SLC14A2: variants seen among roughly 807,000 people sequenced by gnomAD.
SLC14A2 encodes the protein solute carrier family 14 member 2, also known as urea transporter 2.
Under a neutral mutation model 104.6 loss-of-function variants are expected in SLC14A2, and 91 were observed. The observed-to-expected ratio is 0.87, with a 90% CI of 0.73 to 1.04. The LOEUF is 1.04. Among genes scored for constraint, SLC14A2 ranks in the 50% least tolerant of loss-of-function variants. The pLI, the probability that SLC14A2 is intolerant of heterozygous loss-of-function variation, is 0.00. For missense variants in SLC14A2, 1,189 were observed against 1,156.0 expected (o/e 1.03, Z -0.41); for synonymous variants, 476 against 466.4 (o/e 1.02, Z -0.27).
intron 5 of SLC14A2, among the ~76,000 whole-genome samples, chr18:45,635,892 G>A (rs1205355304): frequency 6.6e-6 from 1 of 152,242 alleles, no homozygotes; most frequent in Non-Finnish European, 1.5e-5. Flanking sequence ...CTGGCCTGAT[G>A]AAGGAGCAGG....
At chr18:45,350,707 A>G (rs1256151449) in intron 1 of SLC14A2, among the ~76,000 whole-genome samples, 1 of 151,998 alleles carries the variant, frequency 6.6e-6, no homozygotes, top group African/African-American at 2.4e-5. Flanking sequence ...CTCCCAGCAC[A>G]GTGTTATTTA....
intron 19 of SLC14A2, among the ~76,000 whole-genome samples, chr18:45,680,460 A>C (rs374314351): frequency 1.5e-4 from 23 of 152,308 alleles, no homozygotes; most frequent in South Asian, 4.1e-4. Flanking sequence ...CAGGCTATTA[A>C]CTCACTTTAA....
At chr18:45,545,918 A>T (rs1379127883) in intron 2 of SLC14A2, among the ~76,000 whole-genome samples, 3 of 152,244 alleles carry the variant, frequency 2.0e-5, no homozygotes, top group Non-Finnish European at 4.4e-5. Context: ...TTGTTAGGAC[A>T]TAAGTATTCC....
Position 45,529,927 on chromosome 18 carries a change from C to A in SLC14A2, c.-35+46605C>A, listed in dbSNP as rs547277976. 2.0e-5 allele frequency: 3 copies of A among 152,228 alleles called. No individual in the cohort carries two copies. The South Asian group carries it at 6.2e-4, about 32-fold the overall frequency. 9.4% of individuals were successfully genotyped at this position (152,228 alleles called of 1,614,324 possible). A position where few individuals can be genotyped will look rare whatever the true frequency, so the allele number is the denominator to read the frequency against. On this transcript the variant is annotated intron_variant, in intron 2 of 20. Transcript: ENST00000586448. ...CCTAACGTATTCTCAGGCTTCCAAG[C>A]CAGGCACCAAGATGGTTCACATCTA... is the stretch of plus-strand genomic sequence containing the variant.
At chr18:45,406,599 A>C (rs2086157502) in intron 1 of SLC14A2, among the ~76,000 whole-genome samples, 1 of 152,182 alleles carries the variant, frequency 6.6e-6, no homozygotes, top group Non-Finnish European at 1.5e-5. Flanking sequence ...AGGAATCACT[A>C]TCTGTGGAAG....
chr18:45,540,588 CA>C (rs1331465391), intron 2 of SLC14A2, among the ~76,000 whole-genome samples: 6 of 151,874 alleles, frequency 4.0e-5, no homozygotes, highest in Non-Finnish European at 7.4e-5. Context: ...ACTAAAAATA[CA>C]AAAAAATTAG....
rs1196592054 is a variant in SLC14A2, at chr18:45,683,670, A to G, written c.*1151A>G. ...TAATATTCATAATCATACTGTCATT[A>G]AACTGTTTAAGTTTGCAAGTCGGCA... On this transcript the variant is annotated 3_prime_UTR_variant, in exon 20 of 20. Transcript: ENST00000255226. The G allele has an allele frequency of 6.6e-6, 1 of 152,210 alleles. No homozygotes were observed. Among genetic ancestry groups the G allele is most frequent in the Non-Finnish European group, 1.5e-5 (1 of 68,034 alleles). 9.4% of individuals were successfully genotyped at this position (152,210 alleles called of 1,614,324 possible). A position where few individuals can be genotyped will look rare whatever the true frequency, so the allele number is the denominator to read the frequency against.
At chr18:45,426,252 T>C (rs1433993952) in intron 1 of SLC14A2, among the ~76,000 whole-genome samples, 1 of 152,172 alleles carries the variant, frequency 6.6e-6, no homozygotes, top group East Asian at 1.9e-4. Flanking sequence ...AGTCAAACTT[T>C]CTGTTCCTTG....
rs113822690 is a variant in SLC14A2 at position 45,521,269 on chromosome 18, C to T, written c.-35+37947C>T. On this transcript the variant is annotated intron_variant, in intron 2 of 20. Coordinates refer to the SLC14A2 transcript ENST00000586448. The stretch of plus-strand genomic sequence containing the variant: ...GGAGAGTTGTGCTAGGCACTGAGTC[C>T]GACAGGGTTAAATGACTCATTCCAA... 7.9e-3 allele frequency among the ~76,000 whole-genome samples: 1,208 copies of T among 152,290 alleles called. 8 individuals carry two copies. The highest frequency in any genetic ancestry group is 0.012 in the Non-Finnish European group (812 of 68,030).
chr18:45,265,596 C>T (rs61113985), intron 1 of SLC14A2, among the ~76,000 whole-genome samples: 4,966 of 152,218 alleles, frequency 0.033, 275 homozygotes, highest in African/African-American at 0.11. Flanking sequence ...GACTGCAAAA[C>T]CTGCACATGA....
intron 1 of SLC14A2, among the ~76,000 whole-genome samples, chr18:45,404,605 C>A (rs1441619139): frequency 6.6e-6 from 1 of 152,168 alleles, no homozygotes; most frequent in Non-Finnish European, 1.5e-5. Flanking sequence ...GCACATACCC[C>A]CATCGCTAGT....
At chr18:45,409,179 T>C (rs1000399245) in intron 1 of SLC14A2, among the ~76,000 whole-genome samples, 5 of 152,202 alleles carry the variant, frequency 3.3e-5, no homozygotes, top group Non-Finnish European at 7.3e-5. Context: ...AGTCAACAAA[T>C]GCATCTGAGT....
At chr18:45,189,224 G>A in the SLC14A2 span, among the ~76,000 whole-genome samples, 88 of 152,288 alleles carry the variant, frequency 5.8e-4, no homozygotes, top group African/African-American at 2.0e-3. Context: ...TTTGTAGTCA[G>A]AAGACTTGAG....
chr18:45,442,882 T>G (rs1424354182), intron 1 of SLC14A2, among the ~76,000 whole-genome samples: 1 of 152,178 alleles, frequency 6.6e-6, no homozygotes, highest in Non-Finnish European at 1.5e-5. Context: ...ACATCAACCA[T>G]ATTGTCTAGG....
chr18:45,519,688 A>G (rs758145033), intron 2 of SLC14A2, among the ~76,000 whole-genome samples: 1 of 152,232 alleles, frequency 6.6e-6, no homozygotes, highest in Non-Finnish European at 1.5e-5. Context: ...TTGGCAATCA[A>G]AAAGGGGCTA....
intron 1 of SLC14A2, among the ~76,000 whole-genome samples, chr18:45,265,624 A>G (rs778451748): frequency 6.6e-6 from 1 of 152,174 alleles, no homozygotes; most frequent in African/African-American, 2.4e-5. Context: ...ATTCTGTCAT[A>G]TTAAGAGGGA....
In SLC14A2 at chr18:45,663,892, CGGA is replaced by C. The variant is rs775755263; in HGVS notation, c.1467_1469del (p.Arg489del). ...ATTTCACATCGAGTGGTCATCCATTCGGAGGAGGAGCAAAGGTGTGCATGTCCT... is the reference window on the plus strand; with the variant it reads ...ATTTCACATCGAGTGGTCATCCATTCGGAGGAGCAAAGGTGTGCATGTCCT... On this transcript the variant is annotated inframe_deletion, in exon 11 of 20. Transcript: ENST00000255226. 4 of 1,612,668 alleles carry C rather than the reference CGGA, an allele frequency of 2.5e-6. No individual in the cohort carries two copies. Among genetic ancestry groups the C allele is most frequent in the African/African-American group, 2.7e-5 (2 of 74,830 alleles).
At chr18:45,215,115 T>C (rs16978305) in intron 1 of SLC14A2, among the ~76,000 whole-genome samples, 4,452 of 152,226 alleles carry the variant, frequency 0.029, 222 homozygotes, top group African/African-American at 0.1. Context: ...ACTCTCTTTA[T>C]GGGTTACTGA....
intron 1 of SLC14A2, among the ~76,000 whole-genome samples, chr18:45,218,929 G>C (rs1425452021): frequency 6.6e-6 from 1 of 151,254 alleles, no homozygotes; most frequent in Non-Finnish European, 1.5e-5. Flanking sequence ...ATTTTACTCA[G>C]CATTTTCCAA....
Sources: allele counts gnomAD v4.1 joint callset (sites outside exome capture counted in the v4.1 genomes callset), GRCh38; gene constraint gnomAD v4.1.1; transcripts MANE v1.5; gene names NCBI Gene and HGNC (gene_info 2026-07-23, HGNC 2026-07-21).